SRL: variants seen among roughly 807,000 people sequenced by gnomAD.
SRL encodes the protein sarcalumenin.
In SRL, 23 loss-of-function variants were observed where a neutral mutation model predicts 39.5. The ratio of observed to expected loss-of-function variants is 0.58; its 90% CI spans 0.42 to 0.82. SRL has a LOEUF of 0.82. Among genes scored for constraint, SRL ranks in the 40% least tolerant of loss-of-function variants. The pLI is 0.00. For missense variants in SRL, 592 were observed against 607.8 expected, an observed-to-expected ratio of 0.97 and a Z score of 0.27; for synonymous variants, 272 against 237.4, an observed-to-expected ratio of 1.15 and a Z score of -1.34.
Position 4,192,353 on chromosome 16 carries a change from T to G in SRL, c.1222A>C (p.Asn408His). The G allele has an allele frequency of 6.2e-7, 1 of 1,614,200 alleles. No homozygotes were observed. The highest frequency in any genetic ancestry group is 8.5e-7 in the Non-Finnish European group (1 of 1,180,040). The change falls in exon 6 of 6, where the codon AAT (asparagine) becomes CAT (histidine). Residue 408 changes from asparagine to histidine, a missense_variant. Asn to His is a moderately conservative substitution (Grantham distance 68). Transcript: ENST00000399609. This position sits in a 1 kb window ranked among gnomAD's most constrained non-coding sequence, Gnocchi z 4.0. ...REAYKDFFGINPISSFKLLSQ... is the reference protein window; with the variant it reads ...REAYKDFFGIHPISSFKLLSQ... ...AGCAGTTTGAAACTGGAAATGGGAT[T>G]GATGCCGAAGAAGTCCTTATAGGCC...
chr16:4,226,021 G>A (rs2141060826), intron 1 of SRL, among the ~76,000 whole-genome samples: 1 of 152,192 alleles, frequency 6.6e-6, no homozygotes, highest in African/African-American at 2.4e-5. Context: ...TGCTGAGAAT[G>A]TTCATGCTTC....
intron 1 of SRL, chr16:4,208,149 C>T (rs748190023): frequency 3.8e-5 from 15 of 393,280 alleles, no homozygotes; most frequent in South Asian, 1.5e-4. Context: ...GGGTTGGCAC[C>T]GGCTCTGTTT....
At chr16:4,196,486 T>G in intron 4 of SRL, among the ~76,000 whole-genome samples, 1 of 149,214 alleles carries the variant, frequency 6.7e-6, no homozygotes, top group Non-Finnish European at 1.5e-5. Context: ...TTTTTTTTTT[T>G]TTTTTTCCTT....
intron 1 of SRL, among the ~76,000 whole-genome samples, chr16:4,227,809 T>C (rs912179066): frequency 3.9e-5 from 6 of 152,170 alleles, no homozygotes; most frequent in Admixed American, 3.9e-4. Context: ...CCTTTCATCA[T>C]GTGACAGCTA....
intron 1 of SRL, among the ~76,000 whole-genome samples, chr16:4,231,566 C>A (rs1398473280): frequency 6.6e-6 from 1 of 152,120 alleles, no homozygotes; most frequent in Non-Finnish European, 1.5e-5. Flanking sequence ...CAACCGCTCC[C>A]CCTTTCTCTG....
chr16:4,214,246 G>A (rs1013837017), intron 1 of SRL, among the ~76,000 whole-genome samples: 1 of 152,200 alleles, frequency 6.6e-6, no homozygotes, highest in Non-Finnish European at 1.5e-5. Flanking sequence ...TTCTATTCCA[G>A]CCCGTCCAAG....
chr16:4,233,367 A>T (rs2052679028), intron 1 of SRL, among the ~76,000 whole-genome samples: 1 of 152,176 alleles, frequency 6.6e-6, no homozygotes, highest in South Asian at 2.1e-4. Context: ...GCCTTGAATG[A>T]GCCAAGCGTC....
At chr16:4,211,321 T>G (rs1241851324) in intron 1 of SRL, among the ~76,000 whole-genome samples, 1 of 151,214 alleles carries the variant, frequency 6.6e-6, no homozygotes, top group African/African-American at 2.4e-5. Context: ...TTGGGGGGGG[T>G]CTCCTAGGGC....
chr16:4,234,508 T>C (rs1280992607), intron 1 of SRL, among the ~76,000 whole-genome samples: 1 of 152,164 alleles, frequency 6.6e-6, no homozygotes, highest in African/African-American at 2.4e-5. Flanking sequence ...CCTTCAGGGC[T>C]GCAGAGGGAT....
intron 1 of SRL, chr16:4,206,743 G>C: frequency 2.4e-6 from 1 of 411,854 alleles, no homozygotes; most frequent in South Asian, 1.6e-5. Flanking sequence ...CAACAATGAT[G>C]GGACTCTCCC....
At chr16:4,236,013 T>C (rs969157807) in intron 1 of SRL, among the ~76,000 whole-genome samples, 4 of 151,988 alleles carry the variant, frequency 2.6e-5, no homozygotes, top group Non-Finnish European at 5.9e-5. Context: ...AGGTGGAGAC[T>C]GCAGTGAGCC....
At position 4,216,456 on chromosome 16, in the gene SRL, G is replaced by A. The variant is rs538143057; in HGVS notation, c.62-11822C>T. Among the ~76,000 whole-genome samples the A allele has an allele frequency of 1.1e-4, 16 of 152,092 alleles. 1 individual carries two copies. In the East Asian group the frequency reaches 1.4e-3, roughly 13 times the overall value. On this transcript the variant is annotated intron_variant, in intron 1 of 5. Coordinates refer to ENST00000399609, the MANE Select transcript of SRL (RefSeq NM_001098814.2). ...TCGGCTAATTTTTGTATTTTTTGTAGAGATGGGGTTTCACCACGTTTGCCA... is the reference window on the plus strand; with the variant it reads ...TCGGCTAATTTTTGTATTTTTTGTAAAGATGGGGTTTCACCACGTTTGCCA...
chr16:4,204,812 T>A (rs1323089845), intron 1 of SRL, among the ~76,000 whole-genome samples, 178 bp from the exon 2 acceptor site: 1 of 152,200 alleles, frequency 6.6e-6, no homozygotes, highest in Non-Finnish European at 1.5e-5. Flanking sequence ...TCTATGAAGT[T>A]CCATGTGTAG....
At chr16:4,215,338 C>G (rs1175101858) in intron 1 of SRL, among the ~76,000 whole-genome samples, 8 of 152,228 alleles carry the variant, frequency 5.3e-5, no homozygotes, top group Admixed American at 4.6e-4. Flanking sequence ...CAGCTTGTCC[C>G]TGGCTGGACT....
At chr16:4,207,467 G>T (rs1198392266) in intron 1 of SRL, 1 of 456,744 alleles carries the variant, frequency 2.2e-6, no homozygotes, top group African/African-American at 2.0e-5. Context: ...CAGGCTCCTC[G>T]CCAGGCCCAG....
At chr16:4,205,539 G>A (rs750505082) in intron 1 of SRL, among the ~76,000 whole-genome samples, 3 of 149,700 alleles carry the variant, frequency 2.0e-5, no homozygotes, top group Non-Finnish European at 4.4e-5. Flanking sequence ...TCAGCAGCAC[G>A]GTCAGAGAAG....
chr16:4,197,747 G>T, intron 4 of SRL, 52 bp downstream of exon 4: 1 of 1,293,548 alleles, frequency 7.7e-7, no homozygotes, highest in Non-Finnish European at 1.1e-6. Flanking sequence ...TTTTCATGGT[G>T]CTTTTACATA....
intron 1 of SRL, among the ~76,000 whole-genome samples, chr16:4,228,385 G>A (rs1410427968): frequency 6.6e-5 from 10 of 151,706 alleles, no homozygotes; most frequent in Admixed American, 4.6e-4. Flanking sequence ...GCAGTGAGCC[G>A]AGATTGCACC....
chr16:4,193,098 A>G, intron 5 of SRL, 134 bp from the exon 6 acceptor site: 1 of 742,166 alleles, frequency 1.3e-6, no homozygotes, highest in Non-Finnish European at 2.1e-6. Context: ...TCTACAGACT[A>G]TTAAAAAATC....
Sources: allele counts gnomAD v4.1 joint callset (sites outside exome capture counted in the v4.1 genomes callset), GRCh38; gene constraint gnomAD v4.1.1; non-coding constraint Gnocchi (gnomAD v3.1); transcripts MANE v1.5; gene names NCBI Gene and HGNC (gene_info 2026-07-23, HGNC 2026-07-21).